The following HYAL4 variants were observed in gnomAD, a reference collection of about 807,000 sequenced individuals.
HYAL4 encodes the protein hyaluronidase 4.
Under a neutral mutation model 35.2 loss-of-function variants are expected in HYAL4, and 37 were observed. The observed-to-expected ratio is 1.05, with a 90% CI of 0.81 to 1.38. The LOEUF (loss-of-function observed/expected upper bound fraction) is 1.38. Among genes scored for constraint, HYAL4 ranks in the 40% most tolerant of loss-of-function variants. The pLI is 0.00. For missense variants in HYAL4, 572 were observed against 572.4 expected (o/e 1.00, Z 0.01); for synonymous variants, 198 against 203.2 (o/e 0.97, Z 0.22).
At chr7:123,856,910 T>G (rs1806449822) in intron 2 of HYAL4, among the ~76,000 whole-genome samples, 1 of 152,134 alleles carries the variant, frequency 6.6e-6, no homozygotes, top group African/African-American at 2.4e-5. Flanking sequence ...AGAGAGGCAG[T>G]TTGGCTACAG....
chr7:123,844,484 C>T (rs961994288), upstream of HYAL4: 1 of 152,232 alleles, frequency 6.6e-6, no homozygotes, highest in Non-Finnish European at 1.5e-5. Flanking sequence ...GCTACACGGG[C>T]ATCAGGGACT....
At chr7:123,872,631 A>G (rs751045547) in intron 3 of HYAL4, among the ~76,000 whole-genome samples, 6 of 152,078 alleles carry the variant, frequency 3.9e-5, no homozygotes, top group African/African-American at 1.2e-4. Flanking sequence ...CAGTACATCT[A>G]CTTTGTTCCT....
chr7:123,873,907 C>T (rs1271818818), intron 3 of HYAL4, among the ~76,000 whole-genome samples: 2 of 152,240 alleles, frequency 1.3e-5, no homozygotes, highest in African/African-American at 2.4e-5. Flanking sequence ...AGAAATTAAA[C>T]ACACATAATT....
chr7:123,817,233 T>A, the HYAL4 span, among the ~76,000 whole-genome samples: 2 of 152,142 alleles, frequency 1.3e-5, no homozygotes, highest in Non-Finnish European at 2.9e-5. Context: ...TAGCATAACA[T>A]CCTCGGTTTC....
At chr7:123,852,424 A>G (rs905513796) in intron 2 of HYAL4, among the ~76,000 whole-genome samples, 28 of 152,146 alleles carry the variant, frequency 1.8e-4, no homozygotes, top group African/African-American at 6.8e-4. Flanking sequence ...TATAAGGTGT[A>G]AGGAAGGGGT....
chr7:123,835,315 T>C (rs1805947950), intron 1 of HYAL4, among the ~76,000 whole-genome samples: 1 of 152,038 alleles, frequency 6.6e-6, no homozygotes, highest in Non-Finnish European at 1.5e-5. Flanking sequence ...AGGAGGGTGG[T>C]TATTTTTCCA....
the HYAL4 span, among the ~76,000 whole-genome samples, chr7:123,766,828 C>G: frequency 5.3e-5 from 8 of 152,218 alleles, no homozygotes; most frequent in African/African-American, 1.7e-4. Context: ...CTGCCCCAAC[C>G]CTGACTGCTA....
the HYAL4 span, among the ~76,000 whole-genome samples, chr7:123,800,852 G>A: frequency 1.3e-5 from 2 of 151,726 alleles, no homozygotes; most frequent in African/African-American, 4.8e-5. Flanking sequence ...GCAGAGACGG[G>A]GTTTTACCAT....
chr7:123,865,059 C>G (rs1563002000), intron 2 of HYAL4, among the ~76,000 whole-genome samples: 1 of 151,774 alleles, frequency 6.6e-6, no homozygotes, highest in African/African-American at 2.4e-5. Context: ...CCCTGAGACA[C>G]TGAGAACAAT....
intron 1 of HYAL4, among the ~76,000 whole-genome samples, chr7:123,834,012 G>A (rs955075848): frequency 3.9e-5 from 6 of 152,092 alleles, no homozygotes; most frequent in East Asian, 1.9e-4. Flanking sequence ...TTGAAATCAG[G>A]TAGTGTGATG....
chr7:123,769,474 G>A, the HYAL4 span, among the ~76,000 whole-genome samples: 1 of 152,166 alleles, frequency 6.6e-6, no homozygotes, highest in African/African-American at 2.4e-5. Context: ...AACCTCTGGG[G>A]TTAGAATGGC....
At chr7:123,869,252 G>A (rs771491842) in intron 3 of HYAL4, 25 bp downstream of exon 3, 2 of 1,443,786 alleles carry the variant, frequency 1.4e-6, no homozygotes, top group Non-Finnish European at 1.9e-6. Flanking sequence ...GTCCAATGGT[G>A]GGGGATTTCC....
chr7:123,789,824 A>G, the HYAL4 span, among the ~76,000 whole-genome samples: 2 of 151,782 alleles, frequency 1.3e-5, no homozygotes, highest in Admixed American at 1.3e-4. Context: ...ATGTATGTGT[A>G]TGTGTGTGTG....
chr7:123,855,569 T>A (rs916122555), intron 2 of HYAL4, among the ~76,000 whole-genome samples: 1 of 152,234 alleles, frequency 6.6e-6, no homozygotes, highest in African/African-American at 2.4e-5. Context: ...AGAGATCTAC[T>A]GTTAGTCTGA....
At chr7:123,870,851 T>C (rs1185033365) in intron 3 of HYAL4, among the ~76,000 whole-genome samples, 1 of 152,210 alleles carries the variant, frequency 6.6e-6, no homozygotes, top group Non-Finnish European at 1.5e-5. Context: ...CAGTTTCTTT[T>C]GTAAGACGTC....
chr7:123,877,156 G>C lies in HYAL4; in HGVS notation c.*1G>C. ...AAGTTATCGAAGCATTCAGTTGTGAGATAATTGAGTTTAAAGGGAATTGTG... is the reference window on the plus strand; with the variant it reads ...AAGTTATCGAAGCATTCAGTTGTGACATAATTGAGTTTAAAGGGAATTGTG... On this transcript the variant is annotated 3_prime_UTR_variant, in exon 5 of 5. Coordinates refer to ENST00000223026, the MANE Select transcript of HYAL4 (RefSeq NM_012269.3). The C allele has an allele frequency of 6.2e-7, 1 of 1,610,208 alleles. No individual in the cohort carries two copies. The highest frequency in any genetic ancestry group is 2.2e-5 in the East Asian group (1 of 44,824).
chr7:123,846,928 GGT>G (rs1343061547), intron 1 of HYAL4, among the ~76,000 whole-genome samples: 1 of 152,092 alleles, frequency 6.6e-6, no homozygotes, highest in Admixed American at 6.5e-5. Context: ...CCCCATTGAG[GGT>G]GTGTGTTTGG....
chr7:123,767,221 C>T, the HYAL4 span, among the ~76,000 whole-genome samples: 126,481 of 152,220 alleles, frequency 0.83, 53,001 homozygotes, highest in African/African-American at 0.94. Flanking sequence ...ATAACTTTAT[C>T]GTATATGCCT....
intron 3 of HYAL4, among the ~76,000 whole-genome samples, 176 bp downstream of exon 3, chr7:123,869,403 G>T (rs570064643): frequency 8.5e-5 from 13 of 152,224 alleles, no homozygotes; most frequent in African/African-American, 2.9e-4. Flanking sequence ...ACTGAATTTT[G>T]ATTATCTTAC....
Sources: gnomAD v4.1 joint callset for allele counts (sites outside exome capture counted in the v4.1 genomes callset) on GRCh38, gnomAD v4.1.1 for gene constraint, MANE v1.5 for transcripts, NCBI Gene and HGNC (gene_info 2026-07-23, HGNC 2026-07-21) for gene names.